MOCOS: variants seen among roughly 807,000 people sequenced by gnomAD.
MOCOS encodes the protein human molybdenum cofactor sulfurase.
A neutral mutation model predicts 83.6 loss-of-function variants in MOCOS; 86 were observed. The observed-to-expected ratio is 1.03, with a 90% CI of 0.86 to 1.23. The LOEUF (loss-of-function observed/expected upper bound fraction) is 1.23, where lower values mean the gene tolerates loss of function less well. Ranked by LOEUF, MOCOS falls within the 50% of genes most tolerant of loss-of-function variation. MOCOS has a pLI of 0.00. For missense variants in MOCOS, 1,120 were observed against 1,126.9 expected (o/e 0.99, Z 0.09); for synonymous variants, 445 against 434.7 (o/e 1.02, Z -0.29).
At chr18:36,249,405 A>G (rs8082899) in intron 10 of MOCOS, among the ~76,000 whole-genome samples, 2,758 of 152,126 alleles carry the variant, frequency 0.018, 81 homozygotes, top group African/African-American at 0.063. Context: ...GTTGTTTCCA[A>G]GTTAATATAT....
In MOCOS at chr18:36,227,128, T is replaced by C. The variant is rs188051231; in HGVS notation, c.1960+6911T>C. On this transcript the variant is annotated intron_variant, in intron 9 of 14. Coordinates refer to ENST00000261326, the MANE Select transcript of MOCOS (RefSeq NM_017947.4). Reference sequence around the variant, plus strand: ...GGTTTCACCATGTTGCTCAGGTTGGTCTTGAACTCCTGAACTTAAGCAATC... The same window carrying C: ...GGTTTCACCATGTTGCTCAGGTTGGCCTTGAACTCCTGAACTTAAGCAATC... Among the ~76,000 whole-genome samples the C allele has an allele frequency of 2.6e-5, 4 of 152,100 alleles. No homozygotes were observed. In the East Asian group the frequency reaches 7.7e-4, roughly 29 times the overall value.
chr18:36,240,522 C>T (rs1030776393), intron 9 of MOCOS, among the ~76,000 whole-genome samples: 5 of 150,076 alleles, frequency 3.3e-5, no homozygotes, highest in African/African-American at 9.9e-5. Context: ...GCTGGGAGAA[C>T]CACTATTCTC....
In MOCOS at chr18:36,269,044, T is replaced by G. The variant is rs977198544; in HGVS notation, c.*359T>G. 9 of 293,708 alleles carry G rather than the reference T, an allele frequency of 3.1e-5. No individual in the cohort carries two copies. Among genetic ancestry groups the G allele is most frequent in the Non-Finnish European group, 2.6e-5 (4 of 153,616 alleles). 18.2% of individuals were successfully genotyped at this position (293,708 alleles called of 1,614,324 possible). A position where few individuals can be genotyped will look rare whatever the true frequency, so the allele number is the denominator to read the frequency against. On this transcript the variant is annotated 3_prime_UTR_variant, in exon 15 of 15. Transcript: ENST00000261326. ...TTTGCCATTTTCTCACATTGTTACT[T>G]TGTTTTTAGAGAGCATCTTTGGATC... is the stretch of plus-strand genomic sequence containing the variant.
intron 9 of MOCOS, among the ~76,000 whole-genome samples, chr18:36,226,131 TA>T (rs1254723748): frequency 4.6e-5 from 7 of 152,168 alleles, no homozygotes; most frequent in African/African-American, 7.2e-5. Context: ...TTATTGAATT[TA>T]TTTTTCTTTT....
At chr18:36,217,198 G>A (rs2091479058) in intron 8 of MOCOS, among the ~76,000 whole-genome samples, 1 of 152,124 alleles carries the variant, frequency 6.6e-6, no homozygotes, top group African/African-American at 2.4e-5. Flanking sequence ...GTCAGAGAGT[G>A]TCCTTATACT....
At chr18:36,217,507 T>C (rs940980293) in intron 8 of MOCOS, among the ~76,000 whole-genome samples, 1 of 152,200 alleles carries the variant, frequency 6.6e-6, no homozygotes, top group South Asian at 2.1e-4. Flanking sequence ...GTTGGAACTC[T>C]GAACCTTTGC....
At chr18:36,258,463 C>T (rs918411510) in intron 12 of MOCOS, among the ~76,000 whole-genome samples, 4 of 152,148 alleles carry the variant, frequency 2.6e-5, no homozygotes, top group Admixed American at 2.0e-4. Flanking sequence ...CCTCTTGTTG[C>T]AGATGAGGAA....
At chr18:36,216,472 G>A (rs1051469577) in intron 8 of MOCOS, among the ~76,000 whole-genome samples, 1 of 152,196 alleles carries the variant, frequency 6.6e-6, no homozygotes, top group African/African-American at 2.4e-5. Context: ...ATCAAAATAA[G>A]TACTGATAGT....
At chr18:36,238,651 C>T (rs373475488) in intron 9 of MOCOS, among the ~76,000 whole-genome samples, 7,492 of 135,208 alleles carry the variant, frequency 0.055, 594 homozygotes, top group African/African-American at 0.18. Flanking sequence ...CTATTAGGTC[C>T]GCTTGGTGCA....
At chr18:36,197,763 T>C (rs2091395238) in intron 2 of MOCOS, among the ~76,000 whole-genome samples, 1 of 151,866 alleles carries the variant, frequency 6.6e-6, no homozygotes, top group Non-Finnish European at 1.5e-5. Flanking sequence ...TAGAGTAAGA[T>C]TGTGTCTCTC....
Position 36,251,425 on chromosome 18 carries a change from T to C in MOCOS, c.2164+142T>C, listed in dbSNP as rs919580250. 6 of 1,162,802 alleles carry C rather than the reference T, an allele frequency of 5.2e-6. No individual in the cohort carries two copies. The Admixed American group carries it at 9.0e-5, about 17-fold the overall frequency. 72.0% of individuals were successfully genotyped at this position (1,162,802 alleles called of 1,614,324 possible). On this transcript the variant is annotated intron_variant, in intron 11 of 14. Transcript: ENST00000261326. ...TCATCAGCCTTTAGCAGAAACCTAC[T>C]GCAGTAGCCCCAGGTCAGCAGGCGA...
In MOCOS at chr18:36,205,238, G is replaced by A; in HGVS notation, c.1180G>A (p.Val394Met). 6.2e-7 allele frequency: 1 copy of A among 1,614,002 alleles called. No homozygotes were observed. The highest frequency in any genetic ancestry group is 8.5e-7 in the Non-Finnish European group (1 of 1,180,016). The change falls in exon 6 of 15, where the codon GTG (valine) becomes ATG (methionine). Residue 394 changes from valine (V) to methionine (M), a missense_variant. By Grantham distance (21) the Val-to-Met change is conservative. Transcript: ENST00000261326. ...TCAGGGCCCAATCATCAATTTTAAT[G>A]TGCTGGATGACAAAGGGAACATCAT... ...EVQGPIINFN[V>M]LDDKGNIIGY...
chr18:36,245,047 T>C (rs1300985281), intron 9 of MOCOS, among the ~76,000 whole-genome samples: 1 of 152,148 alleles, frequency 6.6e-6, no homozygotes, highest in African/African-American at 2.4e-5. Context: ...TTGAAGACAG[T>C]AGATACTTGG....
At chr18:36,198,500 C>T (rs1328364244) in intron 2 of MOCOS, among the ~76,000 whole-genome samples, 190 bp from the exon 3 acceptor site, 1 of 152,190 alleles carries the variant, frequency 6.6e-6, no homozygotes, top group East Asian at 1.9e-4. Flanking sequence ...AAGCTACGAA[C>T]ATTCCCATGC....
chr18:36,251,408 CT>C, intron 11 of MOCOS, 125 bp downstream of exon 11: 1 of 1,321,680 alleles, frequency 7.6e-7, no homozygotes, highest in Non-Finnish European at 1.1e-6. Flanking sequence ...GGTCATCAGC[CT>C]TTAGCAGAAA....
intron 13 of MOCOS, among the ~76,000 whole-genome samples, chr18:36,264,873 A>AG (rs1448848109): frequency 1.3e-5 from 2 of 152,198 alleles, no homozygotes; most frequent in Non-Finnish European, 2.9e-5. Flanking sequence ...CCAATTAAAA[A>AG]CAAAAACAAA....
chr18:36,190,046 C>T (rs1370319937), intron 1 of MOCOS: 1 of 152,150 alleles, frequency 6.6e-6, no homozygotes, highest in African/African-American at 2.4e-5. Context: ...GCTTTCCCAC[C>T]CTTTTGTTTT....
chr18:36,267,340 C>A (rs2091685329), intron 14 of MOCOS, among the ~76,000 whole-genome samples: 2 of 152,252 alleles, frequency 1.3e-5, no homozygotes, highest in South Asian at 4.1e-4. Flanking sequence ...TGTGTTGATT[C>A]TTTAGAAAGA....
At chr18:36,241,116 T>C (rs1023732145) in intron 9 of MOCOS, among the ~76,000 whole-genome samples, 2 of 152,154 alleles carry the variant, frequency 1.3e-5, no homozygotes, top group African/African-American at 4.8e-5. Flanking sequence ...GGCTGGGAGC[T>C]GTAGACCGGA....
Sources: gnomAD v4.1 joint callset for allele counts (sites outside exome capture counted in the v4.1 genomes callset) on GRCh38, gnomAD v4.1.1 for gene constraint, MANE v1.5 for transcripts, NCBI Gene and HGNC (gene_info 2026-07-23, HGNC 2026-07-21) for gene names.